The following COL1A2 variants were observed in gnomAD, a reference collection of about 807,000 sequenced individuals.
The protein encoded by COL1A2 is collagen alpha-2(I) chain.
Under a neutral mutation model 174.3 loss-of-function variants are expected in COL1A2, and 49 were observed. The observed-to-expected ratio is 0.28, with a 90% CI of 0.22 to 0.36. The LOEUF (loss-of-function observed/expected upper bound fraction) is 0.36. Among genes scored for constraint, COL1A2 ranks in the 10% least tolerant of loss-of-function variants. The pLI is 1.00. For missense variants in COL1A2, 1,438 were observed against 1,822.7 expected (o/e 0.79, Z 3.84); for synonymous variants, 655 against 606.6 (o/e 1.08, Z -1.17).
At position 94,398,196 on chromosome 7, in the gene COL1A2, C is replaced by T. The variant is rs113640098; in HGVS notation, c.82-186C>T. Among the ~76,000 whole-genome samples, 503 of 152,046 alleles carry T rather than the reference C, an allele frequency of 3.3e-3. 4 individuals are homozygous for T. Among genetic ancestry groups the T allele is most frequent in the African/African-American group, 0.012 (483 of 41,498 alleles). Reference sequence around the variant, plus strand: ...CTATGTATTTTTTGTTCTGTAGGTACATATTTTTATTTGACATGTTGGTAA... The same window carrying T: ...CTATGTATTTTTTGTTCTGTAGGTATATATTTTTATTTGACATGTTGGTAA... On this transcript the variant is annotated intron_variant, in intron 2 of 51. Coordinates refer to ENST00000297268, the MANE Select transcript of COL1A2 (RefSeq NM_000089.4).
rs752193830 is a variant in COL1A2, at chr7:94,410,277, C to A, written c.1071C>A (p.Ser357Arg). 1 of 1,613,886 alleles carries A rather than the reference C, an allele frequency of 6.2e-7. No individual in the cohort carries two copies. Among genetic ancestry groups the A allele is most frequent in the East Asian group, 2.2e-5 (1 of 44,888 alleles). ...GTCCAGCTGGCTCCAAAGGAGAGAG[C>A]GGTAACAAGGGTGAGCCCGTAAGTA... ...EPGPAGSKGESGNKGEPGSAG... is the reference protein window; with the variant it reads ...EPGPAGSKGERGNKGEPGSAG... Residue 357 changes from serine to arginine, a missense_variant, in exon 20 of 52, where the codon AGC becomes AGA. Ser to Arg is a moderately radical substitution (Grantham distance 110, BLOSUM62 -1). This residue lies in a region of COL1A2 where 867 missense variants were observed against 1,213.7 expected (regional missense o/e 0.71). Transcript: ENST00000297268.
At chr7:94,399,711 T>A (rs1290407197) in intron 4 of COL1A2, among the ~76,000 whole-genome samples, 1 of 152,218 alleles carries the variant, frequency 6.6e-6, no homozygotes, top group Non-Finnish European at 1.5e-5. Flanking sequence ...ATTTTAACAA[T>A]ACAAGTAGTT....
intron 12 of COL1A2, among the ~76,000 whole-genome samples, chr7:94,406,890 T>A (rs992107518): frequency 2.0e-5 from 3 of 152,226 alleles, no homozygotes; most frequent in African/African-American, 7.2e-5. Context: ...AATACCAACG[T>A]AATTACAAAT....
In COL1A2 at chr7:94,406,319, G is replaced by C; in HGVS notation, c.594+16G>C. ...TGGTGTGAAGGTAAATATTAAATTAGAAGCACTGTTTTTAAGCACTTGATT... is the reference window on the plus strand; with the variant it reads ...TGGTGTGAAGGTAAATATTAAATTACAAGCACTGTTTTTAAGCACTTGATT... On this transcript the variant is annotated intron_variant, in intron 12 of 51. Transcript: ENST00000297268. 1.2e-6 allele frequency: 2 copies of C among 1,613,334 alleles called. No individual in the cohort carries two copies. Among genetic ancestry groups the C allele is most frequent in the Non-Finnish European group, 1.7e-6 (2 of 1,179,320 alleles).
rs200436925 is a variant in COL1A2 at position 94,408,814 on chromosome 7, T to C, written c.783T>C (p.Pro261=). 221 of 1,614,188 alleles carry C rather than the reference T, an allele frequency of 1.4e-4. No homozygotes were observed. In the East Asian group the frequency reaches 4.9e-3, roughly 36 times the overall value. ...GCCCTCCAGGCTTCCCAGGTGCCCC[T>C]GGCCCCAAGGTAAAAACACTGGTGA... is the stretch of plus-strand genomic sequence containing the variant. The part of the protein sequence containing the change: ...SAGPPGFPGA[P]GPKGEIGAVG... The change falls in exon 16 of 52, where the codon CCT becomes CCC. Residue 261 remains proline (P), a synonymous_variant. Coordinates refer to ENST00000297268, the MANE Select transcript of COL1A2 (RefSeq NM_000089.4).
intron 12 of COL1A2, 105 bp downstream of exon 12, chr7:94,406,408 T>C (rs949431175): frequency 9.3e-5 from 97 of 1,040,276 alleles, no homozygotes; most frequent in Non-Finnish European, 1.3e-4. Context: ...ACAAAAAGTA[T>C]TTTTATTTTT....
Position 94,400,302 on chromosome 7 carries a change from C to T in COL1A2, c.225+14C>T, listed in dbSNP as rs751435484. On this transcript the variant is annotated intron_variant, in intron 5 of 51. Coordinates refer to ENST00000297268, the MANE Select transcript of COL1A2 (RefSeq NM_000089.4). ...GGTCTCGGTGGGGTAAGGTGTCTTA[C>T]GTATTGCTAACTTTTAGCTAACTTC... 34 of 1,608,406 alleles carry T rather than the reference C, an allele frequency of 2.1e-5. No homozygotes were observed. The highest frequency in any genetic ancestry group is 4.5e-5 in the East Asian group (2 of 44,790).
At chr7:94,420,083 C>T in intron 34 of COL1A2, 150 bp from the exon 35 acceptor site, 2 of 1,049,102 alleles carry the variant, frequency 1.9e-6, no homozygotes, top group Non-Finnish European at 3.0e-6. Flanking sequence ...AAGTAAAAAT[C>T]CACTTCATTT....
At position 94,415,184 on chromosome 7, in the gene COL1A2, A is replaced by G; in HGVS notation, c.1720-42A>G. 3 of 1,579,870 alleles carry G rather than the reference A, an allele frequency of 1.9e-6. No individual in the cohort carries two copies. The African/African-American group carries it at 4.0e-5, about 21-fold the overall frequency. ...ATTTTAATCATAAGTGAATTTAGAG[A>G]TCACACACAGATTTCATGCTTTATT... On this transcript the variant is annotated intron_variant, in intron 29 of 51. Coordinates refer to ENST00000297268, the MANE Select transcript of COL1A2 (RefSeq NM_000089.4).
In COL1A2 at chr7:94,411,130, G is replaced by A. The variant is rs779173151; in HGVS notation, c.1326G>A (p.Gly442=). ...CTAATGGAGATGCTGGTCGCCCTGG[G>A]GAGCCTGGTCTCATGGGACCCAGAG... ...RGPNGDAGRP[G]EPGLMGPRGL... The change falls in exon 23 of 52, where the codon GGG becomes GGA. Residue 442 remains glycine (G), a synonymous_variant. Coordinates refer to ENST00000297268, the MANE Select transcript of COL1A2 (RefSeq NM_000089.4). The A allele has an allele frequency of 1.9e-6, 3 of 1,593,998 alleles. No homozygotes were observed. The highest frequency in any genetic ancestry group is 2.6e-6 in the Non-Finnish European group (3 of 1,169,534).
rs1013379990 is a variant in COL1A2, at chr7:94,421,308, C to T, written c.2349+246C>T. 1.4e-5 allele frequency: 8 copies of T among 569,066 alleles called. 1 individual carries two copies. The highest frequency in any genetic ancestry group is 2.2e-5 in the Non-Finnish European group (7 of 319,980). The allele number at this position is 569,066 out of a possible 1,614,324, so 35.3% of individuals were successfully genotyped here. A position where few individuals can be genotyped will look rare whatever the true frequency, so the allele number is the denominator to read the frequency against. ...GCCCTAGGCAGTTTAATTGTAAAGT[C>T]GGAAAAAATATTCCTTTTGGCGTTT... On this transcript the variant is annotated intron_variant, in intron 38 of 51. Coordinates refer to ENST00000297268, the MANE Select transcript of COL1A2 (RefSeq NM_000089.4).
chr7:94,408,051 T>C, intron 13 of COL1A2, 132 bp from the exon 14 acceptor site: 3 of 1,215,848 alleles, frequency 2.5e-6, no homozygotes, highest in East Asian at 5.0e-5. Context: ...TACTGTTTAG[T>C]TGGAATTAGA....
intron 18 of COL1A2, 55 bp from the exon 19 acceptor site, chr7:94,409,668 C>T: frequency 1.9e-6 from 3 of 1,613,006 alleles, no homozygotes; most frequent in Non-Finnish European, 2.5e-6. Context: ...TTAATGTGTG[C>T]TGCCTCTACA....
chr7:94,421,153 C>A, intron 38 of COL1A2, 91 bp downstream of exon 38: 1 of 1,327,620 alleles, frequency 7.5e-7, no homozygotes, highest in Non-Finnish European at 1.1e-6. Flanking sequence ...TAAATTTGGA[C>A]TACCATGAGG....
Position 94,425,741 on chromosome 7 carries a change from C to T in COL1A2, c.2836-9C>T. ...AGATTGATGCTAAGCTTCATTTTGCCTTTGGTAGGGAGAGCGCGGTTACCC... is the reference window on the plus strand; with the variant it reads ...AGATTGATGCTAAGCTTCATTTTGCTTTTGGTAGGGAGAGCGCGGTTACCC... On this transcript the variant is annotated splice_polypyrimidine_tract_variant and intron_variant, in intron 43 of 51. Transcript: ENST00000297268. 2 of 1,613,856 alleles carry T rather than the reference C, an allele frequency of 1.2e-6. No individual in the cohort carries two copies. The highest frequency in any genetic ancestry group is 1.7e-6 in the Non-Finnish European group (2 of 1,179,904).
At chr7:94,414,084 C>A in intron 28 of COL1A2, 137 bp downstream of exon 28, 1 of 1,330,602 alleles carries the variant, frequency 7.5e-7, no homozygotes, top group Non-Finnish European at 1.1e-6. Flanking sequence ...TTTTTTCAAA[C>A]AAACTTTTGT....
rs1483257022 is a variant in COL1A2 at position 94,424,602 on chromosome 7, T to G, written c.2673+159T>G. ...CACATGTCACTTATCTAAGAAGCTT[T>G]AATACCACCTTACTTAGACACACAC... On this transcript the variant is annotated intron_variant, in intron 41 of 51. Transcript: ENST00000297268. 4.6e-6 allele frequency: 3 copies of G among 650,636 alleles called. No homozygotes were observed. In the South Asian group the frequency reaches 5.6e-5, roughly 12 times the overall value. The allele number at this position is 650,636 out of a possible 1,614,324, so 40.3% of individuals were successfully genotyped here.
rs1020235088 is a variant in COL1A2 at position 94,425,634 on chromosome 7, C to G, written c.2806C>G (p.Pro936Ala). ...RDGNPGNDGP[P>A]GRDGQPGHKG... ...GGGCAACCCTGGGAACGATGGTCCC[C>G]CAGGTCGCGATGGTCAACCCGGACA... Residue 936 changes from proline (P) to alanine (A), a missense_variant, in exon 43 of 52, where the codon CCA (proline) becomes GCA (alanine). Coordinates refer to ENST00000297268, the MANE Select transcript of COL1A2 (RefSeq NM_000089.4). 8.7e-6 allele frequency: 14 copies of G among 1,613,934 alleles called. No homozygotes were observed. The highest frequency in any genetic ancestry group is 1.1e-5 in the Non-Finnish European group (13 of 1,179,990).
chr7:94,426,295 G>C, intron 45 of COL1A2, 128 bp from the exon 46 acceptor site: 1 of 934,360 alleles, frequency 1.1e-6, no homozygotes. Flanking sequence ...ACCAGCAGAG[G>C]TGAGAGCCTA....
Sources: gnomAD v4.1 joint callset for allele counts (sites outside exome capture counted in the v4.1 genomes callset) on GRCh38, gnomAD v4.1.1 for gene constraint, gnomAD v4.1.1 regional missense constraint, MANE v1.5 for transcripts, NCBI Gene and HGNC (gene_info 2026-07-23, HGNC 2026-07-21) for gene names.